SYDE2: variants seen among roughly 807,000 people sequenced by gnomAD.
SYDE2 encodes rho GTPase-activating protein SYDE2.
Under a neutral mutation model 91.5 loss-of-function variants are expected in SYDE2, and 76 were observed. The observed-to-expected ratio is 0.83, with a 90% CI of 0.69 to 1.01. The LOEUF is 1.01. Among genes scored for constraint, SYDE2 ranks in the 50% least tolerant of loss-of-function variants. The pLI is 0.00. For missense variants in SYDE2, 1,364 were observed against 1,367.7 expected (o/e 1.00, Z 0.04); for synonymous variants, 513 against 506.4 (o/e 1.01, Z -0.18).
chr1:85,173,452 C>T (rs1054116646), intron 4 of SYDE2, among the ~76,000 whole-genome samples: 1 of 152,032 alleles, frequency 6.6e-6, no homozygotes, highest in Non-Finnish European at 1.5e-5. Context: ...TTTTAGCCAC[C>T]AAGTTTGTGG....
Position 85,169,032 on chromosome 1 carries a change from G to A in SYDE2, c.2853+12C>T. ...CTGGCTTTCAGGAAAAATGTATACT[G>A]GTAATGCTTACCTTCTCAATCTCTG... On this transcript the variant is annotated intron_variant, in intron 5 of 6. Transcript: ENST00000341460. 3.1e-6 allele frequency: 5 copies of A among 1,612,266 alleles called. No individual in the cohort carries two copies. Among genetic ancestry groups the A allele is most frequent in the Non-Finnish European group, 4.2e-6 (5 of 1,178,446 alleles).
At chr1:85,169,582 TTTATG>T (rs1277377150) in intron 4 of SYDE2, among the ~76,000 whole-genome samples, 2 of 152,224 alleles carry the variant, frequency 1.3e-5, no homozygotes, top group African/African-American at 4.8e-5. Context: ...GCAAGGCATA[TTTATG>T]TTAATTATGA....
In SYDE2 at chr1:85,182,183, T is replaced by C. The variant is rs368885325; in HGVS notation, c.2459A>G (p.Lys820Arg). ...TCCTATATTTTCTTTCTCTACAACT[T>C]TTTGAATATCAACTCCAAATATTAT... The part of the protein sequence containing the change: ...EPIIFGVDIQ[K>R]VVEKENIGLM... The change falls in exon 3 of 7, where the codon AAA (lysine) becomes AGA (arginine). Residue 820 changes from lysine to arginine, a missense_variant. By Grantham distance (26) the Lys-to-Arg change is conservative. Coordinates refer to ENST00000341460, the MANE Select transcript of SYDE2 (RefSeq NM_032184.2). 3.4e-4 allele frequency: 541 copies of C among 1,606,894 alleles called. 2 individuals carry two copies. The South Asian group carries it at 4.2e-3, about 12-fold the overall frequency.
intron 1 of SYDE2, chr1:85,194,930 G>A (rs1028975396): frequency 5.4e-5 from 31 of 571,416 alleles, no homozygotes; most frequent in African/African-American, 5.3e-4. Context: ...GGAGGCCAAG[G>A]CGGGCGGATC....
intron 4 of SYDE2, among the ~76,000 whole-genome samples, chr1:85,170,169 A>G (rs1365480819): frequency 7.1e-6 from 1 of 141,406 alleles, no homozygotes; most frequent in Non-Finnish European, 1.5e-5. Flanking sequence ...CCCAGGCTGG[A>G]GTACACTGGT....
At position 85,175,275 on chromosome 1, in the gene SYDE2, G is replaced by A. The variant is rs1212644338; in HGVS notation, c.2671+2871C>T. On this transcript the variant is annotated intron_variant, in intron 4 of 6. Coordinates refer to ENST00000341460, the MANE Select transcript of SYDE2 (RefSeq NM_032184.2). ...AGCACTTTGGGAGGCTGAGACGGGA[G>A]GATCTCCTGAGTTCAGGAATTCGAG... is the stretch of plus-strand genomic sequence containing the variant. Among the ~76,000 whole-genome samples, 4 of 152,320 alleles carry A rather than the reference G, an allele frequency of 2.6e-5. No individual in the cohort carries two copies. The South Asian group carries it at 6.2e-4, about 24-fold the overall frequency.
chr1:85,159,481 C>T (rs909123417), intron 6 of SYDE2, among the ~76,000 whole-genome samples: 2 of 152,138 alleles, frequency 1.3e-5, no homozygotes, highest in African/African-American at 4.8e-5. Context: ...TACATCATAA[C>T]GTCCCCAAAC....
intron 6 of SYDE2, chr1:85,159,766 G>A: frequency 1.3e-6 from 1 of 775,556 alleles, no homozygotes; most frequent in Non-Finnish European, 1.6e-6. Flanking sequence ...AGTTTACTAA[G>A]CAGATCAAAT....
intron 1 of SYDE2, among the ~76,000 whole-genome samples, chr1:85,195,158 TAA>T (rs71818368): frequency 7.0e-4 from 101 of 143,416 alleles, no homozygotes; most frequent in Middle Eastern, 7.2e-3. Context: ...AGACTCCATC[TAA>T]AAAAAAAAAA....
chr1:85,198,580 T>A (rs1658689766), intron 1 of SYDE2, among the ~76,000 whole-genome samples: 1 of 152,186 alleles, frequency 6.6e-6, no homozygotes, highest in South Asian at 2.1e-4. Context: ...CATTTTAATT[T>A]CTAAGTTAGC....
chr1:85,200,275 G>A lies in SYDE2; in HGVS notation c.722C>T (p.Pro241Leu). ...VRENRVLSVP[P>L]DQRITLTDLF... ...ACCTGTCAGCGTAATTCTTTGGTCT[G>A]GAGGCACCGACAGGACACGGTTTTC... Residue 241 changes from proline (P) to leucine (L), a missense_variant, in exon 1 of 7, where the codon CCA becomes CTA. Physicochemically the swap from Pro to Leu is moderately conservative, Grantham distance 98 (BLOSUM62 -3). Coordinates refer to ENST00000341460, the MANE Select transcript of SYDE2 (RefSeq NM_032184.2). 1 of 1,613,944 alleles carries A rather than the reference G, an allele frequency of 6.2e-7. No individual in the cohort carries two copies. Among genetic ancestry groups the A allele is most frequent in the Non-Finnish European group, 8.5e-7 (1 of 1,179,890 alleles).
At chr1:85,188,544 G>A (rs2100683459) in intron 2 of SYDE2, among the ~76,000 whole-genome samples, 1 of 152,254 alleles carries the variant, frequency 6.6e-6, no homozygotes, top group Non-Finnish European at 1.5e-5. Flanking sequence ...TATTTGCAAA[G>A]TACAGAAACA....
intron 4 of SYDE2, among the ~76,000 whole-genome samples, chr1:85,177,077 T>C (rs947672581): frequency 3.3e-5 from 5 of 152,138 alleles, no homozygotes; most frequent in African/African-American, 1.2e-4. Context: ...TTGTCTCTTA[T>C]TTCCCAAACA....
In SYDE2 at chr1:85,182,643, TATA is replaced by T. The variant is rs1232972933; in HGVS notation, c.1996_1998del (p.Tyr666del). ...GAACACTTAGGTTGATCAGAAAAGC[TATA>T]ATGCCTAAAAGCATCAATGTCTATT... On this transcript the variant is annotated inframe_deletion, in exon 3 of 7. Coordinates refer to ENST00000341460, the MANE Select transcript of SYDE2 (RefSeq NM_032184.2). 1.2e-6 allele frequency: 2 copies of T among 1,613,900 alleles called. No homozygotes were observed. The highest frequency in any genetic ancestry group is 1.7e-6 in the Non-Finnish European group (2 of 1,179,840).
rs1402397708 is a variant in SYDE2 at position 85,190,050 on chromosome 1, T to C, written c.1441+7A>G. 2 of 1,578,412 alleles carry C rather than the reference T, an allele frequency of 1.3e-6. No homozygotes were observed. Among genetic ancestry groups the C allele is most frequent in the South Asian group, 1.2e-5 (1 of 85,844 alleles). ...AGAAAGAAAGACACATATATGATCA[T>C]TTTTACCTGCAAAAGGAGATTTCAA... is the stretch of plus-strand genomic sequence containing the variant. On this transcript the variant is annotated splice_region_variant and intron_variant, in intron 2 of 6. Transcript: ENST00000341460.
downstream of SYDE2, chr1:85,154,343 C>G (rs1271008534): frequency 6.9e-6 from 1 of 145,082 alleles, no homozygotes; most frequent in East Asian, 2.1e-4. Flanking sequence ...TAAAATTTTC[C>G]AGACAGTTAT....
chr1:85,161,410 C>T (rs1363614477), intron 6 of SYDE2, among the ~76,000 whole-genome samples: 1 of 152,048 alleles, frequency 6.6e-6, no homozygotes, highest in Non-Finnish European at 1.5e-5. Flanking sequence ...AAAAAACTTG[C>T]CCCAAATATA....
At chr1:85,193,692 T>C (rs1270463893) in intron 1 of SYDE2, among the ~76,000 whole-genome samples, 1 of 152,142 alleles carries the variant, frequency 6.6e-6, no homozygotes, top group African/African-American at 2.4e-5. Flanking sequence ...GGCACCATTA[T>C]GGCTCACGGC....
At chr1:85,177,758 A>T (rs1261782550) in intron 4 of SYDE2, among the ~76,000 whole-genome samples, 3 of 152,098 alleles carry the variant, frequency 2.0e-5, no homozygotes, top group Admixed American at 6.6e-5. Context: ...CCACTCAAAA[A>T]ATCTTAATGG....
Sources: allele counts gnomAD v4.1 joint callset (sites outside exome capture counted in the v4.1 genomes callset), GRCh38; gene constraint gnomAD v4.1.1; transcripts MANE v1.5; gene names NCBI Gene and HGNC (gene_info 2026-07-23, HGNC 2026-07-21).